The following MALRD1 variants were observed in gnomAD, a reference collection of about 807,000 sequenced individuals.
MALRD1 encodes MAM and LDL-receptor class A domain-containing protein 1.
In MALRD1, 247 loss-of-function variants were observed where a neutral mutation model predicts 242.1. That is an observed-to-expected ratio of 1.02 (90% CI 0.92 to 1.13). The LOEUF (loss-of-function observed/expected upper bound fraction) is 1.13, where lower values mean the gene tolerates loss of function less well. Among genes scored for constraint, MALRD1 ranks in the 50% most tolerant of loss-of-function variants. MALRD1 has a pLI of 0.00. For synonymous variants in MALRD1, 995 were observed against 866.6 expected (o/e 1.15, Z -2.60); for missense variants, 2,989 against 2,533.1 (o/e 1.18, Z -3.86).
chr10:19,275,771 A>G (rs1174429595), intron 19 of MALRD1, among the ~76,000 whole-genome samples: 1 of 152,242 alleles, frequency 6.6e-6, no homozygotes, highest in East Asian at 1.9e-4. Flanking sequence ...AAAGTAGTAC[A>G]GTCAGTGAAG....
chr10:19,292,080 C>CAAAAAAAAA (rs756211363), intron 21 of MALRD1, among the ~76,000 whole-genome samples: 8 of 88,002 alleles, frequency 9.1e-5, no homozygotes, highest in South Asian at 4.5e-4. Flanking sequence ...AAGACCGTCT[C>CAAAAAAAAA]AAAAAAAAAA....
chr10:19,177,019 G>T (rs565053583), intron 14 of MALRD1, among the ~76,000 whole-genome samples: 2 of 152,126 alleles, frequency 1.3e-5, no homozygotes, highest in South Asian at 2.1e-4. Flanking sequence ...GCTCACACCT[G>T]CAATCCTAGC....
chr10:19,137,015 A>G (rs1349280999), intron 10 of MALRD1, among the ~76,000 whole-genome samples: 1 of 152,180 alleles, frequency 6.6e-6, no homozygotes, highest in Non-Finnish European at 1.5e-5. Flanking sequence ...TCTACAAATG[A>G]ATAGTTGTGA....
In MALRD1 at chr10:19,467,799, T is replaced by C. The variant is rs558653428; in HGVS notation, c.5029+17309T>C. Among the ~76,000 whole-genome samples the C allele has an allele frequency of 4.7e-3, 240 of 50,614 alleles. 1 individual carries two copies. The highest frequency in any genetic ancestry group is 0.013 in the African/African-American group (230 of 17,436). The allele number at this position is 50,614 out of a possible 152,430, so 33.2% of individuals were successfully genotyped here. The stretch of plus-strand genomic sequence containing the variant: ...TTTTTAAATTTTTTTTTAATTAAAA[T>C]AATTTTTTTTTTGAGGTGGAGTTTC... On this transcript the variant is annotated intron_variant, in intron 29 of 39. Transcript: ENST00000454679.
At chr10:19,471,826 G>A (rs1020189924) in intron 29 of MALRD1, among the ~76,000 whole-genome samples, 2 of 151,446 alleles carry the variant, frequency 1.3e-5, no homozygotes, top group South Asian at 4.1e-4. Flanking sequence ...TTTCTTTGTG[G>A]ATTCTTCAGA....
chr10:19,233,240 G>T (rs1474690164), intron 18 of MALRD1, among the ~76,000 whole-genome samples: 4 of 152,230 alleles, frequency 2.6e-5, no homozygotes, highest in African/African-American at 7.2e-5. Flanking sequence ...GGTGGCTCAC[G>T]CCTGTAGTCC....
chr10:19,539,529 A>C (rs1008045435), intron 32 of MALRD1, among the ~76,000 whole-genome samples: 2 of 152,074 alleles, frequency 1.3e-5, no homozygotes, highest in Admixed American at 6.5e-5. Context: ...TGAATTTTAA[A>C]TTTTACAAAA....
At chr10:19,420,052 T>C (rs1316966621) in intron 28 of MALRD1, among the ~76,000 whole-genome samples, 7 of 152,142 alleles carry the variant, frequency 4.6e-5, no homozygotes, top group Admixed American at 1.3e-4. Flanking sequence ...GATACTTCTA[T>C]AGAAGGTTGC....
chr10:19,165,265 A>ATATATT, intron 12 of MALRD1, among the ~76,000 whole-genome samples: 1 of 130,286 alleles, frequency 7.7e-6, no homozygotes, highest in Non-Finnish European at 1.6e-5. Context: ...ATATATATAT[A>ATATATT]TTTTGTTTTG....
At chr10:19,105,333 T>C (rs1390761993) in intron 5 of MALRD1, among the ~76,000 whole-genome samples, 2 of 152,056 alleles carry the variant, frequency 1.3e-5, no homozygotes, top group Non-Finnish European at 1.5e-5. Flanking sequence ...TCACAAATGA[T>C]AGGCTTTTAT....
At chr10:19,272,882 T>C (rs2131853927) in intron 19 of MALRD1, among the ~76,000 whole-genome samples, 1 of 152,326 alleles carries the variant, frequency 6.6e-6, no homozygotes, top group East Asian at 1.9e-4. Context: ...TATGGCTGCA[T>C]AGTATTCCAT....
chr10:19,185,672 C>T lies in MALRD1; in HGVS notation c.1951+10344C>T, dbSNP rs149433137. On this transcript the variant is annotated intron_variant, in intron 14 of 39. Coordinates refer to ENST00000454679, the MANE Select transcript of MALRD1 (RefSeq NM_001142308.3). ...TTTATGTGTGTTGATACTTTGCAAGCCATGTATCTTATGTACTCAGTATTG... is the reference window on the plus strand; with the variant it reads ...TTTATGTGTGTTGATACTTTGCAAGTCATGTATCTTATGTACTCAGTATTG... Among the ~76,000 whole-genome samples, 344 of 152,192 alleles carry T rather than the reference C, an allele frequency of 2.3e-3. 2 individuals are homozygous for T. The highest frequency in any genetic ancestry group is 7.9e-3 in the African/African-American group (330 of 41,526).
At chr10:19,668,164 C>T (rs553110812) in intron 36 of MALRD1, among the ~76,000 whole-genome samples, 75 of 152,278 alleles carry the variant, frequency 4.9e-4, no homozygotes, top group African/African-American at 1.7e-3. Context: ...CAGACCATAG[C>T]ACCCAAGAAT....
intron 26 of MALRD1, among the ~76,000 whole-genome samples, chr10:19,376,075 T>C (rs1379613312): frequency 2.6e-5 from 4 of 152,156 alleles, no homozygotes; most frequent in South Asian, 2.1e-4. Context: ...TGAGCCAAGA[T>C]TGCACCACTG....
rs138527819 is a variant in MALRD1, at chr10:19,506,179, C to A, written c.5320+7533C>A. Among the ~76,000 whole-genome samples, 51 of 152,320 alleles carry A rather than the reference C, an allele frequency of 3.3e-4. No homozygotes were observed. In the South Asian group the frequency reaches 8.9e-3, roughly 27 times the overall value. On this transcript the variant is annotated intron_variant, in intron 31 of 39. Coordinates refer to ENST00000454679, the MANE Select transcript of MALRD1 (RefSeq NM_001142308.3). ...ACAGAAGTCTGTTGGGAAAACAGTT[C>A]TTTCTGTTGACTATTGAAATTCTTT...
At position 19,232,660 on chromosome 10, in the gene MALRD1, T is replaced by G. The variant is rs185725555; in HGVS notation, c.2991+22980T>G. ...AAATATTTCATATAAATTCTAAGAT[T>G]CATATTAGCACTTAGATTATAATTA... On this transcript the variant is annotated intron_variant, in intron 18 of 39. Transcript: ENST00000454679. Among the ~76,000 whole-genome samples, 8 of 152,278 alleles carry G rather than the reference T, an allele frequency of 5.3e-5. No individual in the cohort carries two copies. In the East Asian group the frequency reaches 1.5e-3, roughly 29 times the overall value.
At chr10:19,470,477 A>T (rs1031860051) in intron 29 of MALRD1, among the ~76,000 whole-genome samples, 2 of 151,976 alleles carry the variant, frequency 1.3e-5, no homozygotes, top group African/African-American at 4.8e-5. Flanking sequence ...TTGTCAGTTT[A>T]TTATGATAGT....
chr10:19,478,442 G>T (rs1304908127), intron 29 of MALRD1, among the ~76,000 whole-genome samples: 2 of 152,106 alleles, frequency 1.3e-5, no homozygotes, highest in African/African-American at 4.8e-5. Context: ...ATAGCAATTA[G>T]AAAATATTAA....
chr10:19,570,336 A>G (rs1836466370), intron 33 of MALRD1, among the ~76,000 whole-genome samples: 1 of 152,072 alleles, frequency 6.6e-6, no homozygotes, highest in African/African-American at 2.4e-5. Flanking sequence ...GGATTATGCA[A>G]TACCGTGAAA....
Sources: allele counts gnomAD v4.1 joint callset (sites outside exome capture counted in the v4.1 genomes callset), GRCh38; gene constraint gnomAD v4.1.1; transcripts MANE v1.5; gene names NCBI Gene and HGNC (gene_info 2026-07-23, HGNC 2026-07-21).